The following SUCLG1 variants were observed in gnomAD, a reference collection of about 807,000 sequenced individuals.
SUCLG1 encodes the protein succinate--CoA ligase [ADP/GDP-forming] subunit alpha, mitochondrial.
Under a neutral mutation model 37.3 loss-of-function variants are expected in SUCLG1, and 26 were observed. That is an observed-to-expected ratio of 0.70 (90% confidence interval 0.51 to 0.97). The LOEUF (loss-of-function observed/expected upper bound fraction) is 0.97. Ranked by LOEUF, SUCLG1 falls within the 50% of genes least tolerant of loss-of-function variation. SUCLG1 has a pLI of 0.00. For synonymous variants in SUCLG1, 163 were observed against 155.6 expected (o/e 1.05, Z -0.36); for missense variants, 433 against 432.9 (o/e 1.00, Z 0.00).
chr2:84,436,241 G>C (rs1302122494), intron 5 of SUCLG1, among the ~76,000 whole-genome samples: 4 of 152,104 alleles, frequency 2.6e-5, no homozygotes. Flanking sequence ...GTCACTTTTA[G>C]GTAATGCTAA....
rs762758786 is a variant in SUCLG1 at position 84,443,332 on chromosome 2, T to C, written c.270A>G (p.Lys90=). The C allele has an allele frequency of 1.2e-5, 20 of 1,614,212 alleles. No individual in the cohort carries two copies. The highest frequency in any genetic ancestry group is 1.7e-5 in the Non-Finnish European group (20 of 1,180,014). The change falls in exon 3 of 9, where the codon AAA becomes AAG. Residue 90 remains lysine, a synonymous_variant. Transcript: ENST00000393868. ...TKLVGGTTPG[K]GGQTHLGLPV... ...GTAAGCCCAGATGTGTCTGGCCTCC[T>C]TTCCCTGGAGTGGTTCCTCCAACGA... is the stretch of plus-strand genomic sequence containing the variant.
intron 1 of SUCLG1, among the ~76,000 whole-genome samples, chr2:84,454,222 CATCTT>C (rs1484646765): frequency 6.6e-6 from 1 of 152,206 alleles, no homozygotes; most frequent in Non-Finnish European, 1.5e-5. Context: ...TCCTTGTGTA[CATCTT>C]ATATGTTTAT....
chr2:84,444,660 G>A (rs572594895), intron 2 of SUCLG1, among the ~76,000 whole-genome samples: 147 of 152,214 alleles, frequency 9.7e-4, no homozygotes, highest in Non-Finnish European at 1.7e-3. Context: ...ATTATTAGGC[G>A]GGAATTTTCT....
Sources: gnomAD v4.1 joint callset for allele counts (sites outside exome capture counted in the v4.1 genomes callset) on GRCh38, gnomAD v4.1.1 for gene constraint, MANE v1.5 for transcripts, NCBI Gene and HGNC (gene_info 2026-07-23, HGNC 2026-07-21) for gene names.